The following GREB1 variants were observed in gnomAD, a reference collection of about 807,000 sequenced individuals.
GREB1 encodes the protein protein GREB1.
A neutral mutation model predicts 200.7 loss-of-function variants in GREB1; 106 were observed. The ratio of observed to expected loss-of-function variants is 0.53; its 90% CI spans 0.45 to 0.62. The LOEUF is 0.62. GREB1 is among the 20% of genes least tolerant of loss of function. The probability of loss-of-function intolerance (pLI) is 0.00; values close to 1 mark genes in which losing one functional copy is unlikely to be tolerated. For synonymous variants in GREB1, 1,132 were observed against 1,092.4 expected, an observed-to-expected ratio of 1.04 and a Z score of -0.72; for missense variants, 2,243 against 2,556.8, an observed-to-expected ratio of 0.88 and a Z score of 2.65.
rs1572215184 is a variant in GREB1 at position 11,633,804 on chromosome 2, A to G, written c.4992-327A>G. 6.6e-6 allele frequency among the ~76,000 whole-genome samples: 1 copy of G among 151,070 alleles called. No individual in the cohort carries two copies. Among genetic ancestry groups the G allele is most frequent in the African/African-American group, 2.4e-5 (1 of 41,034 alleles). ...CTCACTAGCCTGACTGCTGACTCCT[A>G]GCTTTATTTTTATTTGCTGTGTGGC... On this transcript the variant is annotated intron_variant, in intron 28 of 32. Coordinates refer to ENST00000381486, the MANE Select transcript of GREB1 (RefSeq NM_014668.4). This position sits in a 1 kb window ranked among gnomAD's most constrained non-coding sequence, Gnocchi z 4.1.
intron 17 of GREB1, among the ~76,000 whole-genome samples, chr2:11,604,100 C>T (rs547178099): frequency 6.6e-6 from 1 of 152,296 alleles, no homozygotes; most frequent in South Asian, 2.1e-4. Flanking sequence ...TTGGTTTACC[C>T]TCTATCAGTT....
intron 22 of GREB1, 127 bp from the exon 23 acceptor site, chr2:11,620,778 G>A: frequency 3.2e-6 from 2 of 634,790 alleles, no homozygotes; most frequent in South Asian, 2.1e-5. Flanking sequence ...GCATCCACAG[G>A]GTTCTCATTT....
chr2:11,565,932 T>C (rs1677591153), intron 3 of GREB1, among the ~76,000 whole-genome samples: 2 of 152,206 alleles, frequency 1.3e-5, no homozygotes, highest in Admixed American at 1.3e-4. Flanking sequence ...AATTTCTTCC[T>C]GTTGAGCTTC....
intron 1 of GREB1, among the ~76,000 whole-genome samples, chr2:11,513,392 T>C (rs1673402799): frequency 6.6e-6 from 1 of 152,104 alleles, no homozygotes; most frequent in Non-Finnish European, 1.5e-5. Context: ...TCGAAGCAGC[T>C]CAGGGTCACG....
chr2:11,632,265 G>A, intron 27 of GREB1, 152 bp downstream of exon 27: 1 of 592,646 alleles, frequency 1.7e-6, no homozygotes, highest in Non-Finnish European at 3.0e-6. Flanking sequence ...TTTTTATGCA[G>A]TCTTCCCCCG....
intron 26 of GREB1, 104 bp from the exon 27 acceptor site, chr2:11,631,805 A>C (rs1266886872): frequency 1.2e-6 from 1 of 860,000 alleles, no homozygotes; most frequent in Non-Finnish European, 1.9e-6. Context: ...CAGTGTAGGC[A>C]TGGTCATCAT....
At chr2:11,522,008 A>G (rs925368647) in intron 1 of GREB1, among the ~76,000 whole-genome samples, 2 of 152,188 alleles carry the variant, frequency 1.3e-5, no homozygotes, top group Non-Finnish European at 2.9e-5. Context: ...TAAACTCAAA[A>G]TACGGAGTTG....
At chr2:11,614,614 A>G (rs1028869238) in intron 19 of GREB1, among the ~76,000 whole-genome samples, 2 of 151,682 alleles carry the variant, frequency 1.3e-5, no homozygotes, top group Non-Finnish European at 2.9e-5. Context: ...CCCCGGCTGG[A>G]TTGCAGTGAC....
intron 8 of GREB1, 117 bp downstream of exon 8, chr2:11,585,391 CTGA>C: frequency 1.5e-6 from 1 of 647,684 alleles, no homozygotes; most frequent in East Asian, 2.8e-5. Flanking sequence ...TGCGTGTGTA[CTGA>C]TGAGGGAGTT....
intron 17 of GREB1, 31 bp downstream of exon 17, chr2:11,602,573 T>C (rs767701878): frequency 6.3e-7 from 1 of 1,596,364 alleles, no homozygotes; most frequent in Non-Finnish European, 8.6e-7. Context: ...TTACTAGAAG[T>C]GCTCAGTAGC....
intron 1 of GREB1, among the ~76,000 whole-genome samples, chr2:11,553,491 CA>C (rs1280857435): frequency 1.6e-5 from 2 of 124,384 alleles, no homozygotes; most frequent in African/African-American, 6.1e-5. Flanking sequence ...TCTCAAAAAA[CA>C]AACAAACAAA....
chr2:11,635,243 ACCCACCCCTCCTCTGG>A lies in GREB1; in HGVS notation c.5211-23_5211-8del. On this transcript the variant is annotated splice_polypyrimidine_tract_variant and intron_variant, in intron 29 of 32. Transcript: ENST00000381486. ...GAGGGTGTGAGCTGTGCCCCATCAG[ACCCACCCCTCCTCTGG>A]CCCTGAGTAGGTTCCTGTGTGACGA... 1 of 1,613,338 alleles carries A rather than the reference ACCCACCCCTCCTCTGG, an allele frequency of 6.2e-7. No homozygotes were observed. The highest frequency in any genetic ancestry group is 1.1e-5 in the South Asian group (1 of 91,036).
chr2:11,598,212 C>G (rs1681440500), intron 14 of GREB1, among the ~76,000 whole-genome samples: 1 of 152,246 alleles, frequency 6.6e-6, no homozygotes, highest in Admixed American at 6.5e-5. Flanking sequence ...GGCTAGTGAC[C>G]TAACCACATG....
intron 1 of GREB1, among the ~76,000 whole-genome samples, chr2:11,489,778 G>C (rs966723907): frequency 6.6e-6 from 1 of 152,002 alleles, no homozygotes; most frequent in African/African-American, 2.4e-5. Context: ...CCATGTAAAA[G>C]TATTTTAGGT....
chr2:11,505,849 GA>G (rs371089698), intron 1 of GREB1, among the ~76,000 whole-genome samples: 36 of 147,964 alleles, frequency 2.4e-4, no homozygotes, highest in African/African-American at 6.4e-4. Flanking sequence ...CCTGTTTTGG[GA>G]AAAAAAAAAG....
At chr2:11,573,807 C>T (rs1360186345) in intron 4 of GREB1, among the ~76,000 whole-genome samples, 3 of 152,206 alleles carry the variant, frequency 2.0e-5, no homozygotes, top group East Asian at 3.8e-4. Flanking sequence ...CCCATCCCAG[C>T]GGAGGAGATG....
Position 11,632,058 on chromosome 2 carries a change from T to C in GREB1, c.4761T>C (p.Tyr1587=). 2.5e-6 allele frequency: 4 copies of C among 1,614,114 alleles called. No individual in the cohort carries two copies. Among genetic ancestry groups the C allele is most frequent in the Non-Finnish European group, 3.4e-6 (4 of 1,179,986 alleles). The part of the protein sequence containing the change: ...KEYEMAIYKK[Y]WPNHIMLVLP... ...ACGAGATGGCAATTTATAAGAAATA[T>C]TGGCCCAACCACATCATGCTGGTGC... is the stretch of plus-strand genomic sequence containing the variant. The change falls in exon 27 of 33, where the codon TAT becomes TAC. Residue 1587 remains tyrosine (Y), a synonymous_variant. Coordinates refer to ENST00000381486, the MANE Select transcript of GREB1 (RefSeq NM_014668.4).
chr2:11,587,741 A>ACACACACACACACACGCGCGCGCGCGCG lies in GREB1; in HGVS notation c.1160-1004_1160-1003insACACACACACACACGCGCGCGCGCGCGC. On this transcript the variant is annotated intron_variant, in intron 9 of 32. Transcript: ENST00000381486. ...CACACACACACACACACACACACAC[A>ACACACACACACACACGCGCGCGCGCGCG]CGCCACCTTTGGGAGCTCAGCAGCC... 6.5e-6 allele frequency: 5 copies of ACACACACACACACACGCGCGCGCGCGCG among 772,876 alleles called. No individual in the cohort carries two copies. The African/African-American group carries it at 8.9e-5, about 14-fold the overall frequency. 47.9% of individuals were successfully genotyped at this position (772,876 alleles called of 1,614,324 possible).
chr2:11,518,528 G>A lies in GREB1; in HGVS notation c.-159+36147G>A, dbSNP rs537260202. 5.3e-5 allele frequency among the ~76,000 whole-genome samples: 8 copies of A among 152,016 alleles called. No homozygotes were observed. The East Asian group carries it at 7.7e-4, about 15-fold the overall frequency. ...GCTGCTGCTGCAGTGGGCAGGGGGCGGGTAGGGGGTGGGGGTGTGTGGCAT... is the reference window on the plus strand; with the variant it reads ...GCTGCTGCTGCAGTGGGCAGGGGGCAGGTAGGGGGTGGGGGTGTGTGGCAT... On this transcript the variant is annotated intron_variant, in intron 1 of 2. Coordinates refer to the GREB1 transcript ENST00000628795.
Sources: allele counts gnomAD v4.1 joint callset (sites outside exome capture counted in the v4.1 genomes callset), GRCh38; gene constraint gnomAD v4.1.1; non-coding constraint Gnocchi (gnomAD v3.1); transcripts MANE v1.5; gene names NCBI Gene and HGNC (gene_info 2026-07-23, HGNC 2026-07-21).